Variants in ZFPM1 observed in about 807,000 individuals in gnomAD.
ZFPM1 encodes zinc finger protein ZFPM1.
A neutral mutation model predicts 46.3 loss-of-function variants in ZFPM1; 28 were observed. The ratio of observed to expected loss-of-function variants is 0.60; its 90% CI spans 0.45 to 0.83. ZFPM1 has a LOEUF of 0.83. Ranked by LOEUF, ZFPM1 falls within the 40% of genes least tolerant of loss-of-function variation. The pLI is 0.00. For synonymous variants in ZFPM1, 957 were observed against 675.9 expected (o/e 1.42, Z -6.45); for missense variants, 1,878 against 1,432.4 (o/e 1.31, Z -5.02).
At chr16:88,496,529 C>T (rs1004093781) in intron 3 of ZFPM1, among the ~76,000 whole-genome samples, 10 of 151,946 alleles carry the variant, frequency 6.6e-5, no homozygotes, top group African/African-American at 2.4e-4. Flanking sequence ...GGAGGAGAGG[C>T]CTGGGGTACC....
At chr16:88,452,207 G>A (rs1216739505), upstream of ZFPM1, among the ~76,000 whole-genome samples, 3 of 152,102 alleles carry the variant, frequency 2.0e-5, no homozygotes, top group African/African-American at 4.8e-5. Flanking sequence ...TGGGAGTGGG[G>A]GACAGCCCCC....
intron 3 of ZFPM1, among the ~76,000 whole-genome samples, chr16:88,494,966 G>C (rs1909852035): frequency 6.6e-6 from 1 of 152,240 alleles, no homozygotes; most frequent in South Asian, 2.1e-4. Context: ...TTGCCGGAGG[G>C]GCGGCTGCTT....
At chr16:88,481,042 C>G (rs920064180) in intron 1 of ZFPM1, among the ~76,000 whole-genome samples, 1 of 152,252 alleles carries the variant, frequency 6.6e-6, no homozygotes, top group Non-Finnish European at 1.5e-5. Context: ...AGCGCCAAGC[C>G]AATATGCAAA....
chr16:88,502,991 C>T (rs1445186112), intron 3 of ZFPM1, among the ~76,000 whole-genome samples: 1 of 152,252 alleles, frequency 6.6e-6, no homozygotes, highest in Non-Finnish European at 1.5e-5. Context: ...ATGAAGGCCC[C>T]TCAGGGCTGG....
At position 88,469,146 on chromosome 16, in the gene ZFPM1, G is replaced by A. The variant is rs1349575114; in HGVS notation, c.40+15468G>A. On this transcript the variant is annotated intron_variant, in intron 1 of 9. Transcript: ENST00000319555. The surrounding 1 kb of genome is among the most constrained non-coding windows in gnomAD (Gnocchi z 4.3). ...CAGCCAGCCTCCCACCCCCATGTCT[G>A]GGCCCACTCCAGACCCTCCTGCAGG... 6.5e-6 allele frequency: 1 copy of A among 153,618 alleles called. No individual in the cohort carries two copies. The highest frequency in any genetic ancestry group is 1.5e-5 in the Non-Finnish European group (1 of 68,160). 9.5% of individuals were successfully genotyped at this position (153,618 alleles called of 1,614,324 possible). A position where few individuals can be genotyped will look rare whatever the true frequency, so the allele number is the denominator to read the frequency against.
chr16:88,524,009 T>G (rs1912116085), intron 4 of ZFPM1, among the ~76,000 whole-genome samples: 1 of 152,354 alleles, frequency 6.6e-6, no homozygotes, highest in East Asian at 1.9e-4. Flanking sequence ...CGCGTGTTTT[T>G]ATCATGCTGG....
Position 88,532,662 on chromosome 16 carries a change from A to C in ZFPM1, c.995A>C (p.Lys332Thr). 3 of 1,600,022 alleles carry C rather than the reference A, an allele frequency of 1.9e-6. No individual in the cohort carries two copies. The highest frequency in any genetic ancestry group is 2.6e-6 in the Non-Finnish European group (3 of 1,173,482). The change falls in exon 8 of 10, where the codon AAG becomes ACG. Residue 332 changes from lysine (K) to threonine (T), a missense_variant. Physicochemically the swap from Lys to Thr is moderately conservative, Grantham distance 78. Transcript: ENST00000319555. ...ATCTGCCTGTCGGCCTTCACCACCA[A>C]GGCCAACTGCGAGCGGCACCTCAAG... The part of the protein sequence containing the change: ...CLICLSAFTT[K>T]ANCERHLKVH...
At chr16:88,530,163 C>T (rs563135218) in intron 6 of ZFPM1, among the ~76,000 whole-genome samples, 1 of 152,276 alleles carries the variant, frequency 6.6e-6, no homozygotes, top group South Asian at 2.1e-4. Flanking sequence ...CTCGGGGTGC[C>T]CGGGAGACCC....
chr16:88,494,587 C>G lies in ZFPM1; in HGVS notation c.268+5434C>G, dbSNP rs1364271383. On this transcript the variant is annotated intron_variant, in intron 3 of 9. Coordinates refer to ENST00000319555, the MANE Select transcript of ZFPM1 (RefSeq NM_153813.3). Reference sequence around the variant, plus strand: ...GGCTGATTCCAGGAGGGGGTGTCCGCGGGCCTCCAGGGTGAGTCGGGGCCC... The same window carrying G: ...GGCTGATTCCAGGAGGGGGTGTCCGGGGGCCTCCAGGGTGAGTCGGGGCCC... Among the ~76,000 whole-genome samples, 3 of 152,132 alleles carry G rather than the reference C, an allele frequency of 2.0e-5. No individual in the cohort carries two copies. In the East Asian group the frequency reaches 5.8e-4, roughly 29 times the overall value.
chr16:88,453,658 G>T lies in ZFPM1; in HGVS notation c.20G>T (p.Ser7Ile). 8.4e-7 allele frequency: 1 copy of T among 1,193,928 alleles called. No homozygotes were observed. Among genetic ancestry groups the T allele is most frequent in the Non-Finnish European group, 1.1e-6 (1 of 944,282 alleles). The allele number at this position is 1,193,928 out of a possible 1,614,324, so 74.0% of individuals were successfully genotyped here. Residue 7 changes from serine to isoleucine, a missense_variant, in exon 1 of 10, where the codon AGC (serine) becomes ATC (isoleucine). By Grantham distance (142) the Ser-to-Ile change is moderately radical. Coordinates refer to ENST00000319555, the MANE Select transcript of ZFPM1 (RefSeq NM_153813.3). MSRRKQ[S>I]NPRQIKRSLG... ...GGAGACATGTCCAGGCGGAAACAGA[G>T]CAACCCCCGGCAGATCAAGCGTGAG...
intron 3 of ZFPM1, among the ~76,000 whole-genome samples, chr16:88,502,926 G>T (rs1910448712): frequency 6.6e-6 from 1 of 152,250 alleles, no homozygotes; most frequent in South Asian, 2.1e-4. Flanking sequence ...GCTGCCCTCA[G>T]AGCGCTCGCC....
intron 1 of ZFPM1, among the ~76,000 whole-genome samples, chr16:88,464,750 G>C (rs1908057554): frequency 6.6e-6 from 1 of 152,218 alleles, no homozygotes; most frequent in Non-Finnish European, 1.5e-5. Context: ...GGCGGGCACA[G>C]GTTTCAGCTC....
At chr16:88,506,499 T>TG (rs1224394258) in intron 3 of ZFPM1, among the ~76,000 whole-genome samples, 1 of 6,854 alleles carries the variant, frequency 1.5e-4, no homozygotes, top group African/African-American at 7.6e-4. Flanking sequence ...AAGGACTGAA[T>TG]GGGGGCGGGC....
chr16:88,485,224 G>A (rs139157279), intron 1 of ZFPM1, among the ~76,000 whole-genome samples: 1 of 152,166 alleles, frequency 6.6e-6, no homozygotes, highest in Non-Finnish European at 1.5e-5. Flanking sequence ...GGGCCCACTC[G>A]CAGCTCCAGG....
At position 88,534,485 on chromosome 16, in the gene ZFPM1, G is replaced by A; in HGVS notation, c.2527G>A (p.Ala843Thr). Residue 843 changes from alanine (A) to threonine (T), a missense_variant, in exon 10 of 10, where the codon GCG becomes ACG. Ala to Thr is a moderately conservative substitution (Grantham distance 58). Transcript: ENST00000319555. ...LAHKKYSCPA[A>T]PPPGALGLPA... ...GCACAAGAAGTACTCGTGCCCCGCTGCGCCACCGCCCGGCGCGCTCGGCCT... is the reference window on the plus strand; with the variant it reads ...GCACAAGAAGTACTCGTGCCCCGCTACGCCACCGCCCGGCGCGCTCGGCCT... 1.4e-6 allele frequency: 2 copies of A among 1,478,414 alleles called. No individual in the cohort carries two copies. Among genetic ancestry groups the A allele is most frequent in the Admixed American group, 2.3e-5 (1 of 44,418 alleles). 91.6% of individuals were successfully genotyped at this position (1,478,414 alleles called of 1,614,324 possible). A position where few individuals can be genotyped will look rare whatever the true frequency, so the allele number is the denominator to read the frequency against.
At chr16:88,502,356 T>G (rs1910412038) in intron 3 of ZFPM1, among the ~76,000 whole-genome samples, 1 of 150,436 alleles carries the variant, frequency 6.6e-6, no homozygotes, top group Non-Finnish European at 1.5e-5. Context: ...TCTCCCGCCC[T>G]GCCCAGGGGC....
In ZFPM1 at chr16:88,532,149, C is replaced by T; in HGVS notation, c.860C>T (p.Pro287Leu). 6.2e-7 allele frequency: 1 copy of T among 1,612,642 alleles called. No individual in the cohort carries two copies. The change falls in exon 7 of 10, where the codon CCC becomes CTC. Residue 287 changes from proline to leucine, a missense_variant. Coordinates refer to ENST00000319555, the MANE Select transcript of ZFPM1 (RefSeq NM_153813.3). ...GACGAGAAGCCCAAAGAGACCTACC[C>T]CAACGAGCGCGTCTGCCCCTTCCCC... ...ATDEKPKETY[P>L]NERVCPFPQC...
At chr16:88,465,289 G>C (rs1370018233) in intron 1 of ZFPM1, among the ~76,000 whole-genome samples, 1 of 152,252 alleles carries the variant, frequency 6.6e-6, no homozygotes, top group Non-Finnish European at 1.5e-5. Context: ...CTGGAAACAG[G>C]CTGGTGCTGG....
At chr16:88,524,647 G>A (rs1912170515) in intron 4 of ZFPM1, among the ~76,000 whole-genome samples, 1 of 152,238 alleles carries the variant, frequency 6.6e-6, no homozygotes, top group Non-Finnish European at 1.5e-5. Flanking sequence ...CCTGTGCTGG[G>A]AACCTGCCAG....
Sources: allele counts gnomAD v4.1 joint callset (sites outside exome capture counted in the v4.1 genomes callset), GRCh38; gene constraint gnomAD v4.1.1; non-coding constraint Gnocchi (gnomAD v3.1); transcripts MANE v1.5; gene names NCBI Gene and HGNC (gene_info 2026-07-23, HGNC 2026-07-21).